The following DYRK1A variants were observed in gnomAD, a reference collection of about 807,000 sequenced individuals.
The protein encoded by DYRK1A is dual specificity tyrosine phosphorylation regulated kinase 1A.
DYRK1A carries 9 observed loss-of-function variants against 79.7 expected under a neutral mutation model. The ratio of observed to expected loss-of-function variants is 0.11; its 90% confidence interval spans 0.07 to 0.20. The LOEUF is 0.20. DYRK1A is among the 10% of genes least tolerant of loss of function. The probability of loss-of-function intolerance (pLI) is 1.00; values close to 1 mark genes in which losing one functional copy is unlikely to be tolerated. For missense variants in DYRK1A, 622 were observed against 956.0 expected (o/e 0.65, Z 4.61); for synonymous variants, 349 against 329.7 (o/e 1.06, Z -0.63).
intron 1 of DYRK1A, among the ~76,000 whole-genome samples, chr21:37,380,882 C>G (rs2049643061): frequency 6.6e-6 from 1 of 152,192 alleles, no homozygotes; most frequent in Admixed American, 6.5e-5. Flanking sequence ...TGTGACTGTA[C>G]CGGCTCCTAG....
chr21:37,434,935 G>C (rs2050880919), intron 2 of DYRK1A, among the ~76,000 whole-genome samples: 1 of 152,130 alleles, frequency 6.6e-6, no homozygotes, highest in Non-Finnish European at 1.5e-5. Context: ...AGTAGGTGGG[G>C]AAAAAAGTTG....
At position 37,446,598 on chromosome 21, in the gene DYRK1A, T is replaced by G. The variant is rs1235998026; in HGVS notation, c.11-26086T>G. Among the ~76,000 whole-genome samples the G allele has an allele frequency of 2.0e-5, 3 of 148,828 alleles. No homozygotes were observed. In the East Asian group the frequency reaches 5.9e-4, roughly 29 times the overall value. Reference sequence around the variant, plus strand: ...TTGAAATTCTTTTTTTTTTTTTTAATTTGAGTGGTGTTTCAGAGTTTACAA... The same window carrying G: ...TTGAAATTCTTTTTTTTTTTTTTAAGTTGAGTGGTGTTTCAGAGTTTACAA... On this transcript the variant is annotated intron_variant, in intron 2 of 11. Transcript: ENST00000647188.
At chr21:37,373,210 G>C (rs35795022) in intron 1 of DYRK1A, among the ~76,000 whole-genome samples, 5,446 of 152,230 alleles carry the variant, frequency 0.036, 151 homozygotes, top group Middle Eastern at 0.068. Context: ...AGCACCGGCT[G>C]CCCTGCCCAG....
At chr21:37,489,828 T>C (rs896017014) in intron 6 of DYRK1A, among the ~76,000 whole-genome samples, 6 of 152,174 alleles carry the variant, frequency 3.9e-5, no homozygotes, top group Non-Finnish European at 7.4e-5. Flanking sequence ...TAAAAAGTGC[T>C]TTCTTTTATA....
intron 1 of DYRK1A, among the ~76,000 whole-genome samples, chr21:37,408,188 A>G (rs1328103068): frequency 1.3e-5 from 2 of 152,244 alleles, no homozygotes; most frequent in Non-Finnish European, 1.5e-5. Context: ...CTCTCTTGTC[A>G]GAAAGTGTCA....
chr21:37,460,579 C>T (rs993793174), intron 2 of DYRK1A, among the ~76,000 whole-genome samples: 14 of 152,144 alleles, frequency 9.2e-5, no homozygotes, highest in East Asian at 1.9e-4. Flanking sequence ...TGAGACATTG[C>T]GTGTCTTTGT....
chr21:37,470,114 A>T (rs1240694731), intron 2 of DYRK1A, among the ~76,000 whole-genome samples: 92 of 152,184 alleles, frequency 6.0e-4, no homozygotes, highest in Non-Finnish European at 1.5e-4. Context: ...ACTGCACTCC[A>T]GCCTGGGTGA....
intron 1 of DYRK1A, among the ~76,000 whole-genome samples, chr21:37,384,179 C>T (rs1317340005): frequency 6.6e-6 from 1 of 151,998 alleles, no homozygotes; most frequent in Non-Finnish European, 1.5e-5. Flanking sequence ...TAGGGGTAAC[C>T]AAGGGTGGTT....
At chr21:37,365,907 T>G (rs1247301463), upstream of DYRK1A, 3 of 152,004 alleles carry the variant, frequency 2.0e-5, no homozygotes, top group African/African-American at 7.2e-5. Context: ...TCATGATGGC[T>G]CCAGCCTAAT....
At chr21:37,486,082 T>G (rs1158479848) in intron 5 of DYRK1A, 3 of 152,728 alleles carry the variant, frequency 2.0e-5, no homozygotes, top group Non-Finnish European at 4.4e-5. Flanking sequence ...ATTAAAAGAA[T>G]AGTTCGATGA....
Position 37,517,408 on chromosome 21 carries a change from C to G in DYRK1A, c.*4877C>G, listed in dbSNP as rs1393639983. The stretch of plus-strand genomic sequence containing the variant: ...TTAATGTTTCATCTGTCTGAAAGAC[C>G]AGCTATTTGATAATCTTCCCGATTA... On this transcript the variant is annotated 3_prime_UTR_variant, in exon 12 of 12. Transcript: ENST00000647188. 6.6e-6 allele frequency: 1 copy of G among 152,170 alleles called. No homozygotes were observed. The highest frequency in any genetic ancestry group is 1.5e-5 in the Non-Finnish European group (1 of 68,024). 9.4% of individuals were successfully genotyped at this position (152,170 alleles called of 1,614,324 possible).
At chr21:37,391,467 G>A (rs1342442968) in intron 1 of DYRK1A, among the ~76,000 whole-genome samples, 1 of 152,182 alleles carries the variant, frequency 6.6e-6, no homozygotes, top group Admixed American at 6.5e-5. Context: ...TTTTAGGTGA[G>A]TTTTATCTTC....
intron 1 of DYRK1A, among the ~76,000 whole-genome samples, chr21:37,405,358 A>G (rs1236229349): frequency 1.3e-5 from 2 of 151,966 alleles, no homozygotes; most frequent in Non-Finnish European, 2.9e-5. Context: ...CCTTTTCCTA[A>G]TTCTTGGCTT....
chr21:37,389,104 C>CT (rs2049820781), intron 1 of DYRK1A, among the ~76,000 whole-genome samples: 1 of 151,594 alleles, frequency 6.6e-6, no homozygotes, highest in Admixed American at 6.6e-5. Context: ...TCTTGAACTC[C>CT]TGGGCTCAAG....
chr21:37,482,837 A>G (rs912237835), intron 5 of DYRK1A, among the ~76,000 whole-genome samples: 5 of 152,184 alleles, frequency 3.3e-5, no homozygotes, highest in South Asian at 4.1e-4. Context: ...CCTTGCTGAG[A>G]AAAAGAATTC....
At chr21:37,365,732 T>C (rs1285519468), upstream of DYRK1A, 1 of 151,932 alleles carries the variant, frequency 6.6e-6, no homozygotes, top group Non-Finnish European at 1.5e-5. Flanking sequence ...AGAAGGTGTA[T>C]AGAAAAGAAA....
In DYRK1A at chr21:37,390,902, C is replaced by G. The variant is rs137879801; in HGVS notation, c.-77+23274C>G. ...GTTTTTCAACTGTCCTGATTTAGAA[C>G]AGTTTCTTACCTGTTCTTTCTTTTG... On this transcript the variant is annotated intron_variant, in intron 1 of 11. Transcript: ENST00000647188. Among the ~76,000 whole-genome samples the G allele has an allele frequency of 3.5e-3, 536 of 152,272 alleles. 2 individuals are homozygous for G. In the Middle Eastern group the frequency reaches 0.044, roughly 13 times the overall value.
chr21:37,500,830 G>T (rs1569391860), intron 9 of DYRK1A, among the ~76,000 whole-genome samples: 1 of 151,326 alleles, frequency 6.6e-6, no homozygotes, highest in Non-Finnish European at 1.5e-5. Context: ...CCTGATATTG[G>T]CCATTTGTAC....
Position 37,516,717 on chromosome 21 carries a change from G to C in DYRK1A, c.*4186G>C, listed in dbSNP as rs959077933. 1.3e-5 allele frequency: 2 copies of C among 152,122 alleles called. No individual in the cohort carries two copies. Among genetic ancestry groups the C allele is most frequent in the Admixed American group, 1.3e-4 (2 of 15,280 alleles). The allele number at this position is 152,122 out of a possible 1,614,324, so 9.4% of individuals were successfully genotyped here. ...TGTGTTTGGCTCTCTTTGGCATTAT[G>C]CATAGCCAAGGTCCCAGATTTTGGC... On this transcript the variant is annotated 3_prime_UTR_variant, in exon 12 of 12. Coordinates refer to ENST00000647188, the MANE Select transcript of DYRK1A (RefSeq NM_001347721.2).
Sources: gnomAD v4.1 joint callset for allele counts (sites outside exome capture counted in the v4.1 genomes callset) on GRCh38, gnomAD v4.1.1 for gene constraint, MANE v1.5 for transcripts, NCBI Gene and HGNC (gene_info 2026-07-23, HGNC 2026-07-21) for gene names.